RSPO2: variants seen among roughly 807,000 people sequenced by gnomAD.
RSPO2 encodes the protein R-spondin 2.
RSPO2 carries 14 observed loss-of-function variants against 30.9 expected under a neutral mutation model. The observed-to-expected ratio is 0.45, with a 90% CI of 0.30 to 0.71. The LOEUF is 0.71. Among genes scored for constraint, RSPO2 ranks in the 30% least tolerant of loss-of-function variants. The pLI is 0.08. For synonymous variants in RSPO2, 107 were observed against 96.4 expected (o/e 1.11, Z -0.64); for missense variants, 264 against 301.9 (o/e 0.87, Z 0.93).
intron 2 of RSPO2, among the ~76,000 whole-genome samples, chr8:108,013,291 A>G (rs1367736455): frequency 6.6e-6 from 1 of 152,070 alleles, no homozygotes; most frequent in African/African-American, 2.4e-5. Flanking sequence ...TCACCCTTAT[A>G]CTTTTCCACC....
intron 5 of RSPO2, among the ~76,000 whole-genome samples, chr8:107,940,868 T>C (rs1408216951): frequency 4.6e-5 from 7 of 152,184 alleles, no homozygotes; most frequent in Non-Finnish European, 7.4e-5. Flanking sequence ...TCCCTTCTGA[T>C]ACAGTTTTTT....
intron 5 of RSPO2, among the ~76,000 whole-genome samples, chr8:107,901,636 G>A (rs1179007952): frequency 6.6e-6 from 1 of 152,144 alleles, no homozygotes; most frequent in African/African-American, 2.4e-5. Flanking sequence ...TCCCCATGGG[G>A]GAAAAAGAGT....
intron 5 of RSPO2, among the ~76,000 whole-genome samples, chr8:107,957,454 G>T (rs1318778092): frequency 2.6e-5 from 4 of 152,136 alleles, no homozygotes; most frequent in Non-Finnish European, 5.9e-5. Context: ...TTCTAAATGG[G>T]CCTAATCCTG....
chr8:107,914,805 C>A (rs1339701678), intron 5 of RSPO2, among the ~76,000 whole-genome samples: 5 of 152,074 alleles, frequency 3.3e-5, no homozygotes, highest in Non-Finnish European at 7.4e-5. Context: ...TAAAGAAGAT[C>A]AATATGTAAG....
At chr8:107,993,494 C>T (rs370596782) in intron 2 of RSPO2, among the ~76,000 whole-genome samples, 2 of 152,192 alleles carry the variant, frequency 1.3e-5, no homozygotes, top group East Asian at 3.9e-4. Flanking sequence ...TAGATAATTT[C>T]ATTTATATTA....
In RSPO2 at chr8:107,910,906, T is replaced by C. The variant is rs148171086; in HGVS notation, c.617-9716A>G. Among the ~76,000 whole-genome samples the C allele has an allele frequency of 2.6e-4, 40 of 152,168 alleles. No individual in the cohort carries two copies. The East Asian group carries it at 6.4e-3, about 24-fold the overall frequency. ...GATCCCATCTCTATTTTTAAAAAAT[T>C]TTAAAATAGCTACAATGTAATGTGC... On this transcript the variant is annotated intron_variant, in intron 5 of 5. Coordinates refer to ENST00000276659, the MANE Select transcript of RSPO2 (RefSeq NM_178565.5).
chr8:107,983,142 C>A (rs1814509189), intron 3 of RSPO2: 2 of 1,493,358 alleles, frequency 1.3e-6, no homozygotes, highest in Admixed American at 4.1e-5. Flanking sequence ...GACCCCTCAA[C>A]CTGGCTCATC....
chr8:107,993,495 A>G (rs1814918483), intron 2 of RSPO2, among the ~76,000 whole-genome samples: 1 of 152,166 alleles, frequency 6.6e-6, no homozygotes, highest in African/African-American at 2.4e-5. Context: ...AGATAATTTC[A>G]TTTATATTAG....
chr8:107,989,155 A>G lies in RSPO2; in HGVS notation c.184T>C (p.Phe62Leu). The G allele has an allele frequency of 3.7e-6, 6 of 1,612,624 alleles. No homozygotes were observed. Among genetic ancestry groups the G allele is most frequent in the Non-Finnish European group, 5.1e-6 (6 of 1,179,566 alleles). The change falls in exon 3 of 6, where the codon TTC (phenylalanine) becomes CTC (leucine). Residue 62 changes from phenylalanine (F) to leucine (L), a missense_variant. Physicochemically the swap from Phe to Leu is conservative, Grantham distance 22. Transcript: ENST00000276659. ...CSRCQQKLFF[F>L]LRREGMRQYG... is the part of the protein sequence containing the mutation. ...TGGCGCATCCCTTCTCTTCGAAGGA[A>G]GAAGAACAACTTCTGTTGACATCGG... is the stretch of plus-strand genomic sequence containing the variant.
intron 2 of RSPO2, among the ~76,000 whole-genome samples, chr8:108,016,576 T>C (rs1414407154): frequency 1.3e-5 from 2 of 152,136 alleles, no homozygotes; most frequent in Admixed American, 1.3e-4. Flanking sequence ...AATAACTATA[T>C]AGGATAGGAA....
intron 5 of RSPO2, among the ~76,000 whole-genome samples, chr8:107,954,411 T>C (rs945293179): frequency 1.3e-5 from 2 of 152,198 alleles, no homozygotes; most frequent in African/African-American, 4.8e-5. Context: ...TCAGGTTATA[T>C]ATTCATAAAT....
chr8:108,074,342 C>T (rs928869965), intron 2 of RSPO2, among the ~76,000 whole-genome samples: 85 of 152,256 alleles, frequency 5.6e-4, no homozygotes, highest in African/African-American at 1.9e-3. Context: ...TGCTCTGACC[C>T]TTATTATTCT....
intron 2 of RSPO2, among the ~76,000 whole-genome samples, chr8:108,052,048 C>T (rs1414148284): frequency 6.6e-6 from 1 of 152,122 alleles, no homozygotes; most frequent in Non-Finnish European, 1.5e-5. Context: ...TTAGCTTTTT[C>T]AGCTGGTGGA....
chr8:107,996,047 G>A (rs1204864152), intron 2 of RSPO2, among the ~76,000 whole-genome samples: 1 of 152,086 alleles, frequency 6.6e-6, no homozygotes, highest in Non-Finnish European at 1.5e-5. Flanking sequence ...CCTGAGTAGG[G>A]TGTAAGTGAG....
intron 5 of RSPO2, among the ~76,000 whole-genome samples, chr8:107,946,348 A>G (rs1563533115): frequency 6.6e-6 from 1 of 152,216 alleles, no homozygotes; most frequent in Non-Finnish European, 1.5e-5. Context: ...CAAAGATAGG[A>G]CTGCAAGCCT....
chr8:107,934,387 T>A (rs1812650542), intron 5 of RSPO2, among the ~76,000 whole-genome samples: 1 of 134,886 alleles, frequency 7.4e-6, no homozygotes, highest in Non-Finnish European at 1.6e-5. Flanking sequence ...TTTTTTTTTT[T>A]ATTAGACAGA....
chr8:108,079,561 T>C (rs1039281552), intron 2 of RSPO2, among the ~76,000 whole-genome samples: 3 of 152,156 alleles, frequency 2.0e-5, no homozygotes, highest in African/African-American at 4.8e-5. Flanking sequence ...AATTATCTAA[T>C]CTCTGCCAAG....
rs1811366788 is a variant in RSPO2, at chr8:107,899,343, AAG to A, written c.*1730_*1731del. 1 of 152,642 alleles carries A rather than the reference AAG, an allele frequency of 6.6e-6. No individual in the cohort carries two copies. Among genetic ancestry groups the A allele is most frequent in the Non-Finnish European group, 1.5e-5 (1 of 68,040 alleles). The allele number at this position is 152,642 out of a possible 1,614,324, so 9.5% of individuals were successfully genotyped here. ...ATTTTGAAGTTTTTAATGCACAAAAAAGAACATCCCAGGAACAACAGGTATTG... is the reference window on the plus strand; with the variant it reads ...ATTTTGAAGTTTTTAATGCACAAAAAAACATCCCAGGAACAACAGGTATTG... On this transcript the variant is annotated 3_prime_UTR_variant, in exon 6 of 6. Transcript: ENST00000276659.
intron 2 of RSPO2, among the ~76,000 whole-genome samples, chr8:108,017,123 TCTC>T (rs1242181907): frequency 6.6e-6 from 1 of 151,870 alleles, no homozygotes; most frequent in African/African-American, 2.4e-5. Context: ...TTCACACCAT[TCTC>T]CTGCCTCAGC....
Sources: allele counts gnomAD v4.1 joint callset (sites outside exome capture counted in the v4.1 genomes callset), GRCh38; gene constraint gnomAD v4.1.1; transcripts MANE v1.5; gene names NCBI Gene and HGNC (gene_info 2026-07-23, HGNC 2026-07-21).